The following RAB11FIP3 variants were observed in gnomAD, a reference collection of about 807,000 sequenced individuals.
The protein encoded by RAB11FIP3 is RAB11 family interacting protein 3, also known as rab11 family-interacting protein 3.
Under a neutral mutation model 77.8 loss-of-function variants are expected in RAB11FIP3, and 17 were observed. The ratio of observed to expected loss-of-function variants is 0.22; its 90% CI spans 0.15 to 0.33. RAB11FIP3 has a LOEUF of 0.33. Ranked by LOEUF, RAB11FIP3 falls within the 10% of genes least tolerant of loss-of-function variation. RAB11FIP3 has a pLI of 1.00. For synonymous variants in RAB11FIP3, 437 were observed against 448.2 expected (o/e 0.98, Z 0.31); for missense variants, 1,005 against 1,011.2 (o/e 0.99, Z 0.08).
At chr16:489,192 C>T in intron 5 of RAB11FIP3, 192 bp downstream of exon 5, 2 of 678,620 alleles carry the variant, frequency 2.9e-6, no homozygotes, top group Non-Finnish European at 4.8e-6. Flanking sequence ...CCCTCTTCTC[C>T]AGCCACATCC....
intron 1 of RAB11FIP3, among the ~76,000 whole-genome samples, chr16:438,888 C>G (rs536951722): frequency 6.6e-6 from 1 of 152,250 alleles, no homozygotes; most frequent in East Asian, 1.9e-4. Context: ...CGGGGTTTCA[C>G]TATATTGGCC....
chr16:465,036 T>C (rs994684872), intron 2 of RAB11FIP3, among the ~76,000 whole-genome samples: 3 of 152,224 alleles, frequency 2.0e-5, no homozygotes, highest in African/African-American at 7.2e-5. Flanking sequence ...CCTGAGAGGA[T>C]GCTTCTTTTC....
chr16:519,830 T>C lies in RAB11FIP3; in HGVS notation c.1799T>C (p.Met600Thr), dbSNP rs2032593016. The C allele has an allele frequency of 1.9e-6, 3 of 1,604,318 alleles. No homozygotes were observed. In the South Asian group the frequency reaches 3.4e-5, roughly 18 times the overall value. ...LSEEQENKRRMGDRLSHERHQ... is the reference protein window; with the variant it reads ...LSEEQENKRRTGDRLSHERHQ... ...GAAGAGCAGGAGAACAAGAGGAGAATGGGGGACAGGCTGAGTCACGAGAGG... is the reference window on the plus strand; with the variant it reads ...GAAGAGCAGGAGAACAAGAGGAGAACGGGGGACAGGCTGAGTCACGAGAGG... Residue 600 changes from methionine (M) to threonine (T), a missense_variant, in exon 11 of 14, where the codon ATG becomes ACG. Transcript: ENST00000262305.
At chr16:466,852 C>T (rs1313482432) in intron 2 of RAB11FIP3, among the ~76,000 whole-genome samples, 2 of 152,160 alleles carry the variant, frequency 1.3e-5, no homozygotes, top group Admixed American at 6.5e-5. Flanking sequence ...AGGGCTCCTG[C>T]GCCTGTCTGC....
chr16:465,529 C>T (rs1022209595), intron 2 of RAB11FIP3, among the ~76,000 whole-genome samples: 1 of 152,120 alleles, frequency 6.6e-6, no homozygotes, highest in Non-Finnish European at 1.5e-5. Flanking sequence ...CTCATGGGGA[C>T]TGTTTGGCAA....
intron 6 of RAB11FIP3, among the ~76,000 whole-genome samples, chr16:501,226 C>T (rs9935125): frequency 0.05 from 7,577 of 152,354 alleles, 266 homozygotes; most frequent in African/African-American, 0.1. Context: ...TACTCTGCTA[C>T]GTCCCTAGCC....
intron 9 of RAB11FIP3, among the ~76,000 whole-genome samples, 168 bp downstream of exon 9, chr16:510,968 G>A (rs570075915): frequency 1.2e-4 from 16 of 138,154 alleles, no homozygotes; most frequent in Non-Finnish European, 2.0e-4. Flanking sequence ...CCGAAAGTCC[G>A]CCAACCCCAG....
intron 5 of RAB11FIP3, chr16:491,413 G>A: frequency 1.2e-6 from 1 of 839,666 alleles, no homozygotes. Context: ...CTCCCACCCT[G>A]CACGCTGTGG....
intron 1 of RAB11FIP3, among the ~76,000 whole-genome samples, chr16:447,346 TCG>T (rs2055334077): frequency 6.6e-6 from 1 of 152,022 alleles, no homozygotes; most frequent in Admixed American, 6.6e-5. Context: ...AGATGGCGTC[TCG>T]CTCTGTCACT....
intron 3 of RAB11FIP3, among the ~76,000 whole-genome samples, chr16:480,105 G>A (rs929635343): frequency 6.6e-6 from 1 of 151,882 alleles, no homozygotes; most frequent in Non-Finnish European, 1.5e-5. Context: ...TGGCCAACGT[G>A]GTGAAACCCC....
At chr16:465,856 C>T (rs969646691) in intron 2 of RAB11FIP3, among the ~76,000 whole-genome samples, 2 of 152,282 alleles carry the variant, frequency 1.3e-5, no homozygotes, top group Middle Eastern at 3.4e-3. Flanking sequence ...CCACCCACCT[C>T]GGCCTCCCAA....
rs146483534 is a variant in RAB11FIP3 at position 488,881 on chromosome 16, G to A, written c.1146G>A (p.Thr382=). The A allele has an allele frequency of 6.8e-6, 11 of 1,613,910 alleles. No individual in the cohort carries two copies. The highest frequency in any genetic ancestry group is 2.2e-5 in the East Asian group (1 of 44,876). The stretch of plus-strand genomic sequence containing the variant: ...ACCCCCATGGCCAGTCTGTCATCAC[G>A]GTGATCGGGGGCGAGGAGCACTTTG... The part of the protein sequence containing the change: ...RPHPHGQSVI[T]VIGGEEHFED... The change falls in exon 5 of 14, where the codon ACG becomes ACA. Residue 382 remains threonine (T), a synonymous_variant. Transcript: ENST00000262305.
intron 5 of RAB11FIP3, among the ~76,000 whole-genome samples, chr16:493,708 T>G (rs966584608): frequency 5.3e-5 from 8 of 151,038 alleles, no homozygotes; most frequent in South Asian, 2.1e-4. Flanking sequence ...CCGGGTTCAC[T>G]CCATTCTCCT....
intron 1 of RAB11FIP3, among the ~76,000 whole-genome samples, chr16:430,726 A>G (rs1296370585): frequency 6.6e-6 from 1 of 152,120 alleles, no homozygotes; most frequent in Non-Finnish European, 1.5e-5. Context: ...CGCTAATTTA[A>G]AAAAATTGGC....
At chr16:497,614 G>A (rs971884992) in intron 6 of RAB11FIP3, among the ~76,000 whole-genome samples, 1 of 152,208 alleles carries the variant, frequency 6.6e-6, no homozygotes, top group African/African-American at 2.4e-5. Context: ...CCTCGTGGCT[G>A]TGGTCCTGGA....
intron 1 of RAB11FIP3, among the ~76,000 whole-genome samples, chr16:429,069 T>G (rs2054996323): frequency 1.3e-5 from 2 of 152,124 alleles, no homozygotes; most frequent in Admixed American, 1.3e-4. Flanking sequence ...TGGGCCGGCT[T>G]CCTGGGATGG....
intron 8 of RAB11FIP3, among the ~76,000 whole-genome samples, chr16:508,887 C>T (rs1442357305): frequency 6.6e-6 from 1 of 151,508 alleles, no homozygotes; most frequent in African/African-American, 2.4e-5. Flanking sequence ...TCAGTTTTCT[C>T]CTTCAACTCT....
intron 1 of RAB11FIP3, among the ~76,000 whole-genome samples, chr16:459,353 G>A (rs184819388): frequency 4.5e-4 from 68 of 151,084 alleles, no homozygotes; most frequent in Non-Finnish European, 7.1e-4. Flanking sequence ...CTCGAACTCC[G>A]GACCTCAGGT....
At chr16:496,254 A>G (rs1303546017) in intron 5 of RAB11FIP3, among the ~76,000 whole-genome samples, 1 of 152,220 alleles carries the variant, frequency 6.6e-6, no homozygotes, top group Non-Finnish European at 1.5e-5. Flanking sequence ...GAAATGAGGG[A>G]GAAGGTAAGT....
Sources: allele counts gnomAD v4.1 joint callset (sites outside exome capture counted in the v4.1 genomes callset), GRCh38; gene constraint gnomAD v4.1.1; transcripts MANE v1.5; gene names NCBI Gene and HGNC (gene_info 2026-07-23, HGNC 2026-07-21).